CNKSR3: variants seen among roughly 807,000 people sequenced by gnomAD.
CNKSR3 encodes the protein connector enhancer of kinase suppressor of ras 3.
A neutral mutation model predicts 67.7 loss-of-function variants in CNKSR3; 36 were observed. The ratio of observed to expected loss-of-function variants is 0.53; its 90% CI spans 0.41 to 0.70. CNKSR3 has a LOEUF of 0.70. Ranked by LOEUF, CNKSR3 falls within the 30% of genes least tolerant of loss-of-function variation. The probability of loss-of-function intolerance (pLI) is 0.00; values close to 1 mark genes in which losing one functional copy is unlikely to be tolerated. For synonymous variants in CNKSR3, 281 were observed against 271.4 expected (o/e 1.04, Z -0.35); for missense variants, 630 against 695.2 (o/e 0.91, Z 1.05).
Position 154,410,348 on chromosome 6 carries a change from C to T in CNKSR3, c.1364G>A (p.Arg455Lys), listed in dbSNP as rs750273939. ...DPFARPRGHG[R>K]KGEDALCRYF... is the part of the protein sequence containing the mutation. The stretch of plus-strand genomic sequence containing the variant: ...TTTGCTTGGATGAAACGTACCTTTC[C>T]TGCCATGACCTCGAGGTCTGGCAAA... Residue 455 changes from arginine to lysine, a missense_variant, in exon 12 of 13, where the codon AGG becomes AAG. Transcript: ENST00000607772. 2.5e-6 allele frequency: 4 copies of T among 1,612,790 alleles called. No homozygotes were observed. The highest frequency in any genetic ancestry group is 2.2e-5 in the South Asian group (2 of 91,054).
intron 4 of CNKSR3, among the ~76,000 whole-genome samples, chr6:154,438,940 T>A (rs988127487): frequency 6.6e-6 from 1 of 152,186 alleles, no homozygotes; most frequent in African/African-American, 2.4e-5. Context: ...GTACCTCCTA[T>A]GGGAAGATTT....
At position 154,395,613 on chromosome 6, in the gene CNKSR3, A is replaced by G. The variant is rs1784653528; in HGVS notation, c.*10741T>C. 2 of 152,196 alleles carry G rather than the reference A, an allele frequency of 1.3e-5. No homozygotes were observed. The highest frequency in any genetic ancestry group is 2.9e-5 in the Non-Finnish European group (2 of 68,034). 9.4% of individuals were successfully genotyped at this position (152,196 alleles called of 1,614,324 possible). A position where few individuals can be genotyped will look rare whatever the true frequency, so the allele number is the denominator to read the frequency against. On this transcript the variant is annotated 3_prime_UTR_variant, in exon 13 of 13. Transcript: ENST00000607772. Reference sequence around the variant, plus strand: ...TCAACTTTCTTGTTCTCAGACTTTTATTAATGCAGTTTGTTGTCTCCAAAA... The same window carrying G: ...TCAACTTTCTTGTTCTCAGACTTTTGTTAATGCAGTTTGTTGTCTCCAAAA...
chr6:154,487,420 G>C (rs1786697435), intron 1 of CNKSR3, among the ~76,000 whole-genome samples: 1 of 152,146 alleles, frequency 6.6e-6, no homozygotes, highest in Admixed American at 6.5e-5. Context: ...GTTTAAAGAT[G>C]AGCTAGTTGA....
rs5028233 is a variant in CNKSR3 at position 154,480,754 on chromosome 6, T to G, written c.52+29309A>C. Among the ~76,000 whole-genome samples the G allele has an allele frequency of 9.3e-3, 1,412 of 152,238 alleles. 24 individuals are homozygous for G. The highest frequency in any genetic ancestry group is 0.032 in the African/African-American group (1,326 of 41,530). ...TCCTTATAATCCCATAAAGCCCAGT[T>G]TCCTTGAAAGCCAGATTAAAACAGT... On this transcript the variant is annotated intron_variant, in intron 1 of 12. Coordinates refer to ENST00000607772, the MANE Select transcript of CNKSR3 (RefSeq NM_173515.4).
chr6:154,406,949 C>A (rs1434890916), intron 12 of CNKSR3, among the ~76,000 whole-genome samples: 6 of 113,916 alleles, frequency 5.3e-5, no homozygotes, highest in Admixed American at 8.7e-5. Context: ...GAGACTCTGT[C>A]CCCTCCAGGA....
chr6:154,391,866 A>G lies in CNKSR3; in HGVS notation c.*14488T>C, dbSNP rs970299684. 1.2e-4 allele frequency: 18 copies of G among 152,152 alleles called. 3 individuals are homozygous for G. Among genetic ancestry groups the G allele is most frequent in the Admixed American group, 3.9e-4 (6 of 15,290 alleles). The allele number at this position is 152,152 out of a possible 1,614,324, so 9.4% of individuals were successfully genotyped here. A position where few individuals can be genotyped will look rare whatever the true frequency, so the allele number is the denominator to read the frequency against. ...CATCCTAAACTTGGTCTTTTCACAT[A>G]AGTGTTGTGTCTAAATTATATATTT... On this transcript the variant is annotated 3_prime_UTR_variant, in exon 13 of 13. Transcript: ENST00000607772.
In CNKSR3 at chr6:154,430,589, G is replaced by T; in HGVS notation, c.552C>A (p.Val184=). 6.2e-7 allele frequency: 1 copy of T among 1,605,276 alleles called. No individual in the cohort carries two copies. Among genetic ancestry groups the T allele is most frequent in the Non-Finnish European group, 8.5e-7 (1 of 1,177,456 alleles). ...AEMEDKVLTV[V]KVLNGICDKT... Reference sequence around the variant, plus strand: ...TGTCACAGATGCCATTTAAAACCTTGACCTAGAATTGGAGAAGCAAATAGT... The same window carrying T: ...TGTCACAGATGCCATTTAAAACCTTTACCTAGAATTGGAGAAGCAAATAGT... Residue 184 remains valine, a splice_region_variant and synonymous_variant, in exon 6 of 13, where the codon GTC becomes GTA. Transcript: ENST00000607772.
chr6:154,428,209 T>C (rs1785293401), intron 6 of CNKSR3, 22 bp from the exon 7 acceptor site: 10 of 1,530,406 alleles, frequency 6.5e-6, no homozygotes, highest in Non-Finnish European at 8.2e-6. Context: ...CACAAATAGA[T>C]TAACTCATTA....
intron 1 of CNKSR3, among the ~76,000 whole-genome samples, chr6:154,461,988 G>C (rs1457985056): frequency 6.6e-6 from 1 of 152,238 alleles, no homozygotes; most frequent in South Asian, 2.1e-4. Flanking sequence ...GAAAAGGGCC[G>C]AAACGGCTGG....
intron 1 of CNKSR3, among the ~76,000 whole-genome samples, chr6:154,491,081 A>G (rs544113146): frequency 6.6e-6 from 1 of 152,260 alleles, no homozygotes; most frequent in Admixed American, 6.5e-5. Context: ...TCCCGACATC[A>G]GGTGATCCGC....
chr6:154,494,455 T>C (rs1417875647), intron 1 of CNKSR3, among the ~76,000 whole-genome samples: 1 of 152,214 alleles, frequency 6.6e-6, no homozygotes, highest in Non-Finnish European at 1.5e-5. Flanking sequence ...GGGTTTGTTT[T>C]AATTTTAAAA....
rs1366571756 is a variant in CNKSR3 at position 154,391,830 on chromosome 6, C to T, written c.*14524G>A. On this transcript the variant is annotated 3_prime_UTR_variant, in exon 13 of 13. Coordinates refer to ENST00000607772, the MANE Select transcript of CNKSR3 (RefSeq NM_173515.4). Reference sequence around the variant, plus strand: ...TTCCCACAATCTTGCTGCCCCGTCACAGGTAACCAACATCCTAAACTTGGT... The same window carrying T: ...TTCCCACAATCTTGCTGCCCCGTCATAGGTAACCAACATCCTAAACTTGGT... The T allele has an allele frequency of 2.0e-5, 3 of 152,230 alleles. No individual in the cohort carries two copies. Among genetic ancestry groups the T allele is most frequent in the Non-Finnish European group, 4.4e-5 (3 of 68,068 alleles). 9.4% of individuals were successfully genotyped at this position (152,230 alleles called of 1,614,324 possible). A position where few individuals can be genotyped will look rare whatever the true frequency, so the allele number is the denominator to read the frequency against.
chr6:154,407,366 T>C (rs1413817818), intron 12 of CNKSR3, among the ~76,000 whole-genome samples: 1 of 152,226 alleles, frequency 6.6e-6, no homozygotes, highest in East Asian at 1.9e-4. Flanking sequence ...GTGGCTGGAA[T>C]GTTAAGAAAC....
chr6:154,489,582 G>A (rs1786743881), intron 1 of CNKSR3, among the ~76,000 whole-genome samples: 1 of 152,058 alleles, frequency 6.6e-6, no homozygotes, highest in Non-Finnish European at 1.5e-5. Context: ...TTGTATATTA[G>A]CGTATGGGTA....
At chr6:154,489,961 G>T (rs559171597) in intron 1 of CNKSR3, among the ~76,000 whole-genome samples, 1 of 152,136 alleles carries the variant, frequency 6.6e-6, no homozygotes, top group Admixed American at 6.5e-5. Flanking sequence ...CCGCCGTCTG[G>T]GCTCCTCCGC....
In CNKSR3 at chr6:154,395,862, G is replaced by A. The variant is rs1347361459; in HGVS notation, c.*10492C>T. On this transcript the variant is annotated 3_prime_UTR_variant, in exon 13 of 13. Transcript: ENST00000607772. ...AGATCCTCCCATCTCAGCCTCCTGAGTAGCTGGGACTACAGGTGCACACCA... is the reference window on the plus strand; with the variant it reads ...AGATCCTCCCATCTCAGCCTCCTGAATAGCTGGGACTACAGGTGCACACCA... The A allele has an allele frequency of 6.6e-6, 1 of 152,324 alleles. No individual in the cohort carries two copies. Among genetic ancestry groups the A allele is most frequent in the African/African-American group, 2.4e-5 (1 of 41,422 alleles). 9.4% of individuals were successfully genotyped at this position (152,324 alleles called of 1,614,324 possible). A position where few individuals can be genotyped will look rare whatever the true frequency, so the allele number is the denominator to read the frequency against.
rs1784705120 is a variant in CNKSR3 at position 154,400,500 on chromosome 6, G to T, written c.*5854C>A. On this transcript the variant is annotated 3_prime_UTR_variant, in exon 13 of 13. Coordinates refer to ENST00000607772, the MANE Select transcript of CNKSR3 (RefSeq NM_173515.4). Reference sequence around the variant, plus strand: ...GGGGAGTGCAGTATGTGGCCCAAAGGTTCTGAAAAACTGTGTGTGACAGTC... The same window carrying T: ...GGGGAGTGCAGTATGTGGCCCAAAGTTTCTGAAAAACTGTGTGTGACAGTC... 1 of 152,150 alleles carries T rather than the reference G, an allele frequency of 6.6e-6. No homozygotes were observed. The highest frequency in any genetic ancestry group is 2.1e-4 in the South Asian group (1 of 4,828). The allele number at this position is 152,150 out of a possible 1,614,324, so 9.4% of individuals were successfully genotyped here.
intron 9 of CNKSR3, among the ~76,000 whole-genome samples, chr6:154,421,581 A>C (rs1389691112): frequency 1.3e-5 from 2 of 152,214 alleles, no homozygotes; most frequent in African/African-American, 4.8e-5. Flanking sequence ...TGATCCACCC[A>C]GGTGTCGGCA....
At chr6:154,497,836 G>A (rs116359862) in intron 1 of CNKSR3, among the ~76,000 whole-genome samples, 1,598 of 152,260 alleles carry the variant, frequency 0.01, 28 homozygotes, top group African/African-American at 0.037. Context: ...TTCATTTCCC[G>A]ATGCAGAGCA....
Sources: gnomAD v4.1 joint callset for allele counts (sites outside exome capture counted in the v4.1 genomes callset) on GRCh38, gnomAD v4.1.1 for gene constraint, MANE v1.5 for transcripts, NCBI Gene and HGNC (gene_info 2026-07-23, HGNC 2026-07-21) for gene names.